Variants in CDH23 observed in about 807,000 individuals in gnomAD.
The protein encoded by CDH23 is cadherin-23.
A neutral mutation model predicts 317.1 loss-of-function variants in CDH23; 189 were observed. That is an observed-to-expected ratio of 0.60 (90% confidence interval 0.53 to 0.67). The LOEUF is 0.67. Ranked by LOEUF, CDH23 falls within the 30% of genes least tolerant of loss-of-function variation. CDH23 has a pLI of 0.00. For missense variants in CDH23, 4,401 were observed against 4,592.4 expected (o/e 0.96, Z 1.20); for synonymous variants, 1,839 against 1,876.8 (o/e 0.98, Z 0.52).
chr10:71,459,708 C>T (rs777505530), intron 3 of CDH23, among the ~76,000 whole-genome samples: 4 of 152,134 alleles, frequency 2.6e-5, no homozygotes, highest in Non-Finnish European at 5.9e-5. Flanking sequence ...CGCTGGTGGG[C>T]CCTGGCAGCG....
chr10:71,499,179 C>T (rs1384202146), intron 3 of CDH23, among the ~76,000 whole-genome samples: 1 of 152,102 alleles, frequency 6.6e-6, no homozygotes, highest in African/African-American at 2.4e-5. Context: ...TGTTCTCAGT[C>T]ACGTGTGGGA....
chr10:71,513,240 G>T (rs887071309), intron 6 of CDH23, among the ~76,000 whole-genome samples: 1 of 152,186 alleles, frequency 6.6e-6, no homozygotes, highest in African/African-American at 2.4e-5. Flanking sequence ...GGCCAGTGGG[G>T]ATGTGGTATC....
chr10:71,624,710 G>T (rs2132537487), intron 11 of CDH23, among the ~76,000 whole-genome samples: 1 of 151,054 alleles, frequency 6.6e-6, no homozygotes, highest in African/African-American at 2.4e-5. Context: ...TAAAAGAAAA[G>T]AAAAAGCATA....
chr10:71,649,474 C>A (rs1406546452), intron 14 of CDH23, among the ~76,000 whole-genome samples: 2 of 152,152 alleles, frequency 1.3e-5, no homozygotes, highest in Non-Finnish European at 2.9e-5. Context: ...GGAAGGTGGT[C>A]ATTTAACATG....
At chr10:71,708,931 A>G (rs763811183) in intron 26 of CDH23, among the ~76,000 whole-genome samples, 167 bp from the exon 27 acceptor site, 15 of 152,206 alleles carry the variant, frequency 9.9e-5, no homozygotes, top group Non-Finnish European at 2.1e-4. Flanking sequence ...CGCTGAGCCC[A>G]CCCAAGCTGC....
Position 71,515,388 on chromosome 10 carries a change from TCTCTCTCACACA to T in CDH23, c.429+4178_429+4189del, listed in dbSNP as rs763464120. Among the ~76,000 whole-genome samples, 11 of 117,684 alleles carry T rather than the reference TCTCTCTCACACA, an allele frequency of 9.3e-5. 1 individual carries two copies. Among genetic ancestry groups the T allele is most frequent in the African/African-American group, 3.4e-4 (8 of 23,768 alleles). The allele number at this position is 117,684 out of a possible 152,430, so 77.2% of individuals were successfully genotyped here. On this transcript the variant is annotated intron_variant, in intron 6 of 69. Transcript: ENST00000224721. ...CTCTCTCTCTCTCTCTCTCTCTCTCTCTCTCTCACACACACACACACACACACACACGCACAC... is the reference window on the plus strand; with the variant it reads ...CTCTCTCTCTCTCTCTCTCTCTCTCTCACACACACACACACACACGCACAC...
chr10:71,545,586 C>T (rs772887987), intron 6 of CDH23, among the ~76,000 whole-genome samples: 6 of 152,212 alleles, frequency 3.9e-5, no homozygotes, highest in Admixed American at 3.3e-4. Context: ...AGAAACAGTT[C>T]TTCAGGGCCT....
intron 17 of CDH23, among the ~76,000 whole-genome samples, chr10:71,682,146 T>C (rs532169988): frequency 2.6e-5 from 4 of 152,192 alleles, no homozygotes; most frequent in Non-Finnish European, 4.4e-5. Flanking sequence ...CCCCACTCTG[T>C]TGAGAGCTGT....
chr10:71,501,168 C>G (rs1853309913), intron 3 of CDH23, among the ~76,000 whole-genome samples: 1 of 152,162 alleles, frequency 6.6e-6, no homozygotes. Flanking sequence ...TGCACCTGGC[C>G]TGAGCCTCAG....
chr10:71,679,272 C>T (rs1864507757), intron 16 of CDH23, 115 bp from the exon 17 acceptor site: 3 of 773,048 alleles, frequency 3.9e-6, no homozygotes, highest in Non-Finnish European at 6.6e-6. Flanking sequence ...GGCTGGATCA[C>T]CCAAAAAAGG....
chr10:71,812,580 G>A lies in CDH23; in HGVS notation c.9481G>A (p.Asp3161Asn), dbSNP rs554151826. The A allele has an allele frequency of 1.2e-5, 19 of 1,613,792 alleles. No individual in the cohort carries two copies. Among genetic ancestry groups the A allele is most frequent in the South Asian group, 6.6e-5 (6 of 91,082 alleles). The change falls in exon 67 of 70, where the codon GAC (aspartate) becomes AAC (asparagine). Residue 3161 changes from aspartate (D) to asparagine (N), a missense_variant. Asp to Asn is a conservative substitution (Grantham distance 23, BLOSUM62 1). Transcript: ENST00000224721. ...DLPENLSEIA[D>N]LWNSPTRTHG... ...ACCGGAGAACCTGAGTGAGATCGCC[G>A]ACCTGTGGAACAGCCCCACGCGCAC... is the stretch of plus-strand genomic sequence containing the variant.
At chr10:71,762,785 C>T (rs1222753229) in intron 38 of CDH23, among the ~76,000 whole-genome samples, 1 of 152,168 alleles carries the variant, frequency 6.6e-6, no homozygotes. Context: ...TCTGAGGGAC[C>T]GGGACAGAGA....
intron 9 of CDH23, among the ~76,000 whole-genome samples, chr10:71,607,625 A>G (rs1001636476): frequency 6.6e-6 from 1 of 152,216 alleles, no homozygotes; most frequent in Non-Finnish European, 1.5e-5. Flanking sequence ...AGGTATGGCC[A>G]GGTGTGGTGG....
rs3059687 is a variant in CDH23, at chr10:71,515,357, TTCTC to T, written c.429+4180_429+4183del. On this transcript the variant is annotated intron_variant, in intron 6 of 69. Transcript: ENST00000224721. ...TCAATGGCAATGGATACCTGTCTGT[TTCTC>T]TCTCTCTCTCTCTCTCTCTCTCTCT... Among the ~76,000 whole-genome samples, 559 of 126,074 alleles carry T rather than the reference TTCTC, an allele frequency of 4.4e-3. 1 individual carries two copies. The highest frequency in any genetic ancestry group is 8.3e-3 in the Middle Eastern group (2 of 242). The allele number at this position is 126,074 out of a possible 152,430, so 82.7% of individuals were successfully genotyped here.
chr10:71,397,564 T>C lies in CDH23; in HGVS notation c.-6+246T>C, dbSNP rs1847580237. Among the ~76,000 whole-genome samples, 1 of 151,990 alleles carries C rather than the reference T, an allele frequency of 6.6e-6. No individual in the cohort carries two copies. Among genetic ancestry groups the C allele is most frequent in the Non-Finnish European group, 1.5e-5 (1 of 67,952 alleles). ...TTGATTCCTGGGAACTCGAATTCCA[T>C]TCGCGTTGGCCTTGGGAGGACAGGC... is the stretch of plus-strand genomic sequence containing the variant. On this transcript the variant is annotated intron_variant, in intron 1 of 69. Transcript: ENST00000224721. This position sits in a 1 kb window ranked among gnomAD's most constrained non-coding sequence, Gnocchi z 4.8.
intron 28 of CDH23, among the ~76,000 whole-genome samples, chr10:71,718,455 G>A (rs531495986): frequency 6.6e-6 from 1 of 152,214 alleles, no homozygotes; most frequent in South Asian, 2.1e-4. Flanking sequence ...AGCTGCCCAG[G>A]GCCTCCGCCT....
chr10:71,588,511 TA>T (rs1357093588), intron 9 of CDH23, among the ~76,000 whole-genome samples: 1 of 152,118 alleles, frequency 6.6e-6, no homozygotes, highest in African/African-American at 2.4e-5. Context: ...TATTATTTAT[TA>T]TTATTATTAG....
intron 3 of CDH23, among the ~76,000 whole-genome samples, chr10:71,481,806 G>A (rs1488361218): frequency 2.0e-5 from 3 of 152,218 alleles, no homozygotes; most frequent in Non-Finnish European, 4.4e-5. Context: ...TTGAGACGTG[G>A]CTGCGTGTGG....
At chr10:71,698,016 A>T (rs1173442313) in intron 22 of CDH23, among the ~76,000 whole-genome samples, 2 of 152,198 alleles carry the variant, frequency 1.3e-5, no homozygotes, top group Non-Finnish European at 2.9e-5. Flanking sequence ...GTTATATGAA[A>T]CATCTATCAG....
Sources: gnomAD v4.1 joint callset for allele counts (sites outside exome capture counted in the v4.1 genomes callset) on GRCh38, gnomAD v4.1.1 for gene constraint, Gnocchi (gnomAD v3.1) non-coding constraint, MANE v1.5 for transcripts, NCBI Gene and HGNC (gene_info 2026-07-23, HGNC 2026-07-21) for gene names.